COL21A1: variants seen among roughly 807,000 people sequenced by gnomAD.
The protein encoded by COL21A1 is collagen type XXI alpha 1 chain.
A neutral mutation model predicts 137.9 loss-of-function variants in COL21A1; 149 were observed. The observed-to-expected ratio is 1.08, with a 90% confidence interval of 0.95 to 1.24. COL21A1 has a LOEUF of 1.24. Among genes scored for constraint, COL21A1 ranks in the 50% most tolerant of loss-of-function variants. The pLI is 0.00. For missense variants in COL21A1, 1,167 were observed against 1,158.4 expected (o/e 1.01, Z -0.11); for synonymous variants, 456 against 391.5 (o/e 1.16, Z -1.95).
chr6:56,121,196 G>A (rs768017176), intron 16 of COL21A1, among the ~76,000 whole-genome samples: 9 of 152,072 alleles, frequency 5.9e-5, no homozygotes, highest in Non-Finnish European at 1.3e-4. Flanking sequence ...TAGAAGGATG[G>A]TTACAGAGGC....
chr6:56,253,937 C>G (rs1232441023), intron 1 of COL21A1, among the ~76,000 whole-genome samples: 1 of 152,080 alleles, frequency 6.6e-6, no homozygotes, highest in Non-Finnish European at 1.5e-5. Flanking sequence ...TTCTTAGATC[C>G]AGATGTAACA....
At chr6:56,098,571 A>C (rs1295292701) in intron 17 of COL21A1, among the ~76,000 whole-genome samples, 1 of 43,740 alleles carries the variant, frequency 2.3e-5, no homozygotes, top group Non-Finnish European at 3.7e-5. Context: ...ATATAAATAT[A>C]TATAAATATA....
intron 12 of COL21A1, among the ~76,000 whole-genome samples, chr6:56,129,329 C>G (rs1475356527): frequency 6.6e-6 from 1 of 151,848 alleles, no homozygotes; most frequent in Non-Finnish European, 1.5e-5. Context: ...TCCCAGTATC[C>G]TAGAATGCAG....
chr6:56,159,260 T>A lies in COL21A1; in HGVS notation c.1372-2311A>T, dbSNP rs144787596. On this transcript the variant is annotated intron_variant, in intron 9 of 29. Transcript: ENST00000244728. ...TCTTAAATCACTTATTCATAACTAG[T>A]GTTTTCTCAAAGTTTTCCCTTGGTT... Among the ~76,000 whole-genome samples, 194 of 152,260 alleles carry A rather than the reference T, an allele frequency of 1.3e-3. 1 individual carries two copies. Among genetic ancestry groups the A allele is most frequent in the African/African-American group, 4.5e-3 (185 of 41,554 alleles).
At chr6:56,273,884 C>G (rs572628506) in intron 1 of COL21A1, among the ~76,000 whole-genome samples, 1 of 152,066 alleles carries the variant, frequency 6.6e-6, no homozygotes, top group Non-Finnish European at 1.5e-5. Flanking sequence ...TTCTATGATG[C>G]CAGCATCAGC....
chr6:56,275,987 G>A (rs999837128), intron 1 of COL21A1, among the ~76,000 whole-genome samples: 1 of 152,138 alleles, frequency 6.6e-6, no homozygotes, highest in African/African-American at 2.4e-5. Context: ...CCCATTAACA[G>A]TGAATTGGAT....
intron 1 of COL21A1, among the ~76,000 whole-genome samples, chr6:56,370,281 G>C (rs2152350008): frequency 6.6e-6 from 1 of 152,260 alleles, no homozygotes; most frequent in South Asian, 2.1e-4. Flanking sequence ...ACCTGTCTCT[G>C]TTCCCGGCCT....
chr6:56,163,569 C>A (rs189989202), intron 9 of COL21A1, among the ~76,000 whole-genome samples: 3 of 152,114 alleles, frequency 2.0e-5, no homozygotes, highest in Admixed American at 2.0e-4. Context: ...ATTAGCCGGG[C>A]GCAGTGGTGA....
At chr6:56,353,052 A>G (rs1765749569) in intron 1 of COL21A1, among the ~76,000 whole-genome samples, 1 of 152,154 alleles carries the variant, frequency 6.6e-6, no homozygotes, top group Non-Finnish European at 1.5e-5. Context: ...AGAAAAAAAA[A>G]GAAGAAGAAA....
At chr6:56,251,092 C>T (rs1047105053), upstream of COL21A1, among the ~76,000 whole-genome samples, 2 of 152,162 alleles carry the variant, frequency 1.3e-5, no homozygotes, top group Non-Finnish European at 2.9e-5. Flanking sequence ...ACCTCTGCCT[C>T]ATCCAAATGC....
intron 1 of COL21A1, among the ~76,000 whole-genome samples, chr6:56,215,927 A>G (rs926362262): frequency 1.3e-5 from 2 of 152,072 alleles, no homozygotes; most frequent in Non-Finnish European, 2.9e-5. Context: ...GTATATGTGT[A>G]TATATTCCAA....
At chr6:56,203,228 A>G (rs1241393112) in intron 1 of COL21A1, among the ~76,000 whole-genome samples, 1 of 152,204 alleles carries the variant, frequency 6.6e-6, no homozygotes, top group African/African-American at 2.4e-5. Context: ...AGAATTCTGG[A>G]TAGCAAGTCA....
chr6:56,179,274 T>C (rs1777717233), intron 3 of COL21A1, among the ~76,000 whole-genome samples: 2 of 152,068 alleles, frequency 1.3e-5, no homozygotes, highest in African/African-American at 2.4e-5. Flanking sequence ...TGTGCCTTTT[T>C]CTACAATTTC....
chr6:56,227,528 T>A (rs1349078926), intron 1 of COL21A1, among the ~76,000 whole-genome samples: 1 of 152,068 alleles, frequency 6.6e-6, no homozygotes, highest in Admixed American at 6.6e-5. Context: ...GAACTTCAGA[T>A]CCTGTCTTGA....
At chr6:56,386,947 C>G (rs75735454) in intron 1 of COL21A1, among the ~76,000 whole-genome samples, 27,884 of 152,194 alleles carry the variant, frequency 0.18, 2,722 homozygotes, top group African/African-American at 0.22. Flanking sequence ...TTCCATCTCC[C>G]TCATTCCTAA....
intron 1 of COL21A1, among the ~76,000 whole-genome samples, chr6:56,373,494 CG>C (rs2093993892): frequency 1.3e-5 from 2 of 151,994 alleles, no homozygotes; most frequent in Non-Finnish European, 2.9e-5. Flanking sequence ...CCCAGCTACT[CG>C]GGAGGCTGAG....
At chr6:56,317,305 C>T (rs988203946) in intron 1 of COL21A1, among the ~76,000 whole-genome samples, 2 of 152,190 alleles carry the variant, frequency 1.3e-5, no homozygotes, top group African/African-American at 2.4e-5. Context: ...GCACTTACTA[C>T]ATGCCTGGCA....
intron 17 of COL21A1, among the ~76,000 whole-genome samples, chr6:56,086,979 C>T (rs938699761): frequency 6.6e-6 from 1 of 152,198 alleles, no homozygotes; most frequent in Non-Finnish European, 1.5e-5. Context: ...ATCAAGTTGT[C>T]TTCTGTTAAT....
intron 16 of COL21A1, among the ~76,000 whole-genome samples, chr6:56,122,713 G>A (rs1582415224): frequency 6.6e-6 from 1 of 152,104 alleles, no homozygotes; most frequent in East Asian, 1.9e-4. Flanking sequence ...CCCAGATTAA[G>A]ACTAAAAAGG....
Sources: gnomAD v4.1 joint callset for allele counts (sites outside exome capture counted in the v4.1 genomes callset) on GRCh38, gnomAD v4.1.1 for gene constraint, MANE v1.5 for transcripts, NCBI Gene and HGNC (gene_info 2026-07-23, HGNC 2026-07-21) for gene names.